CACNA1I: variants seen among roughly 807,000 people sequenced by gnomAD.
CACNA1I encodes the protein calcium voltage-gated channel subunit alpha1 I, also known as voltage-dependent T-type calcium channel subunit alpha-1I.
A neutral mutation model predicts 201.6 loss-of-function variants in CACNA1I; 74 were observed. The ratio of observed to expected loss-of-function variants is 0.37; its 90% CI spans 0.30 to 0.45. CACNA1I has a LOEUF of 0.45. CACNA1I is among the 20% of genes least tolerant of loss of function. The pLI is 1.00. For synonymous variants in CACNA1I, 1,431 were observed against 1,345.2 expected, an observed-to-expected ratio of 1.06 and a Z score of -1.40; for missense variants, 2,346 against 3,138.1, an observed-to-expected ratio of 0.75 and a Z score of 6.03.
At chr22:39,577,165 G>A (rs1000170524) in intron 1 of CACNA1I, among the ~76,000 whole-genome samples, 2 of 152,146 alleles carry the variant, frequency 1.3e-5, no homozygotes, top group Non-Finnish European at 2.9e-5. Context: ...CTCCTGAGTA[G>A]CTGGAATTAC....
At chr22:39,668,696 G>C (rs1046839602) in intron 24 of CACNA1I, among the ~76,000 whole-genome samples, 3 of 152,344 alleles carry the variant, frequency 2.0e-5, no homozygotes, top group Middle Eastern at 3.4e-3. Flanking sequence ...GAGAAGAGGG[G>C]CTGAGCCAGC....
chr22:39,662,367 G>C lies in CACNA1I; in HGVS notation c.3304G>C (p.Ala1102Pro), dbSNP rs57288507. The part of the protein sequence containing the change: ...EDCNGRMPSI[A>P]KDVFTKMGDR... ...CTGCAATGGCAGGATGCCCAGCATC[G>C]CCAAAGACGTCTTCACCAAGATGGG... The change falls in exon 17 of 37, where the codon GCC becomes CCC. Residue 1102 changes from alanine to proline, a missense_variant. Physicochemically the swap from Ala to Pro is conservative, Grantham distance 27. Transcript: ENST00000402142. The C allele has an allele frequency of 6.7e-7, 1 of 1,481,988 alleles. No individual in the cohort carries two copies. Among genetic ancestry groups the C allele is most frequent in the African/African-American group, 1.5e-5 (1 of 67,918 alleles). The allele number at this position is 1,481,988 out of a possible 1,614,324, so 91.8% of individuals were successfully genotyped here. A position where few individuals can be genotyped will look rare whatever the true frequency, so the allele number is the denominator to read the frequency against.
chr22:39,631,530 G>A (rs1934062861), intron 4 of CACNA1I, among the ~76,000 whole-genome samples: 3 of 152,364 alleles, frequency 2.0e-5, no homozygotes, highest in Admixed American at 1.3e-4. Context: ...CTAACTGGGG[G>A]TGAGAATCAG....
At chr22:39,587,224 G>A (rs1262015501) in intron 1 of CACNA1I, among the ~76,000 whole-genome samples, 2 of 152,160 alleles carry the variant, frequency 1.3e-5, no homozygotes, top group Non-Finnish European at 2.9e-5. Flanking sequence ...TATACAACGG[G>A]GATTCCAAGA....
At chr22:39,669,086 G>A (rs1170661364) in intron 24 of CACNA1I, among the ~76,000 whole-genome samples, 3 of 152,146 alleles carry the variant, frequency 2.0e-5, no homozygotes, top group South Asian at 4.1e-4. Context: ...TAGGCAAGAC[G>A]TGTGGCTGAC....
intron 7 of CACNA1I, among the ~76,000 whole-genome samples, chr22:39,645,882 A>G (rs713938): frequency 0.3 from 46,302 of 152,182 alleles, 7,355 homozygotes; most frequent in Middle Eastern, 0.41. Context: ...GCAAGCACAG[A>G]TAAAGCCACA....
chr22:39,676,819 G>A lies in CACNA1I; in HGVS notation c.4855-522G>A, dbSNP rs567809590. 4.3e-4 allele frequency among the ~76,000 whole-genome samples: 66 copies of A among 152,296 alleles called. No homozygotes were observed. Among genetic ancestry groups the A allele is most frequent in the African/African-American group, 1.6e-3 (65 of 41,564 alleles). On this transcript the variant is annotated intron_variant, in intron 29 of 36. Transcript: ENST00000402142. This position sits in a 1 kb window ranked among gnomAD's most constrained non-coding sequence, Gnocchi z 4.8. ...TTTCGGTGGTTTCGTAGAGGAGCTA[G>A]TGTTAGAGCTGAGACCTCCTGCCTT... is the stretch of plus-strand genomic sequence containing the variant.
intron 3 of CACNA1I, among the ~76,000 whole-genome samples, chr22:39,612,429 G>T (rs1569061517): frequency 6.6e-6 from 1 of 152,106 alleles, no homozygotes; most frequent in Non-Finnish European, 1.5e-5. Context: ...CATAAACCGG[G>T]TGCCTCATAA....
At chr22:39,681,545 GA>G (rs1422218655) in intron 34 of CACNA1I, among the ~76,000 whole-genome samples, 1 of 152,218 alleles carries the variant, frequency 6.6e-6, no homozygotes, top group Non-Finnish European at 1.5e-5. Flanking sequence ...ATGGTTCCAA[GA>G]AGTGGGGCGA....
At chr22:39,651,319 C>T (rs952855959) in intron 10 of CACNA1I, among the ~76,000 whole-genome samples, 4 of 152,362 alleles carry the variant, frequency 2.6e-5, no homozygotes, top group Non-Finnish European at 4.4e-5. Flanking sequence ...GGGCCGCACA[C>T]GCACCTCCCT....
chr22:39,670,767 C>T (rs1935349256), intron 25 of CACNA1I, 36 bp from the exon 26 acceptor site: 1 of 1,612,088 alleles, frequency 6.2e-7, no homozygotes, highest in African/African-American at 1.3e-5. Flanking sequence ...CCCCAACCCT[C>T]TGTGGTCTTT....
intron 1 of CACNA1I, among the ~76,000 whole-genome samples, chr22:39,589,741 G>A (rs1364847108): frequency 6.6e-6 from 1 of 152,136 alleles, no homozygotes; most frequent in East Asian, 1.9e-4. Context: ...CCTGAGGCCT[G>A]AGCTCCCCCT....
At chr22:39,683,201 T>A in intron 35 of CACNA1I, among the ~76,000 whole-genome samples, 1 of 152,154 alleles carries the variant, frequency 6.6e-6, no homozygotes, top group East Asian at 1.9e-4. Context: ...GCCAGGGGAC[T>A]AAGCTGGCCT....
At position 39,685,753 on chromosome 22, in the gene CACNA1I, C is replaced by A. The variant is rs1330750682; in HGVS notation, c.6028-8C>A. On this transcript the variant is annotated splice_region_variant and splice_polypyrimidine_tract_variant and intron_variant, in intron 36 of 36. Coordinates refer to ENST00000402142, the MANE Select transcript of CACNA1I (RefSeq NM_021096.4). The surrounding 1 kb of genome is among the most constrained non-coding windows in gnomAD (Gnocchi z 5.0). Reference sequence around the variant, plus strand: ...CAGGCGGCCTCCACGGCTCCCACCTCCCCCCAGGCCACCGGGAGCGACACG... The same window carrying A: ...CAGGCGGCCTCCACGGCTCCCACCTACCCCCAGGCCACCGGGAGCGACACG... The A allele has an allele frequency of 6.1e-6, 9 of 1,464,792 alleles. No homozygotes were observed. Among genetic ancestry groups the A allele is most frequent in the African/African-American group, 1.5e-5 (1 of 67,782 alleles). 90.7% of individuals were successfully genotyped at this position (1,464,792 alleles called of 1,614,324 possible). A position where few individuals can be genotyped will look rare whatever the true frequency, so the allele number is the denominator to read the frequency against.
chr22:39,630,278 C>T, intron 4 of CACNA1I, among the ~76,000 whole-genome samples: 1 of 152,254 alleles, frequency 6.6e-6, no homozygotes, highest in East Asian at 1.9e-4. Context: ...TAGCACTTTT[C>T]ACCCAACGAA....
At chr22:39,622,950 C>T (rs1933790874) in intron 4 of CACNA1I, among the ~76,000 whole-genome samples, 1 of 152,342 alleles carries the variant, frequency 6.6e-6, no homozygotes, top group Non-Finnish European at 1.5e-5. Flanking sequence ...CCACAGGCAC[C>T]GCCACCTTCC....
intron 1 of CACNA1I, among the ~76,000 whole-genome samples, chr22:39,583,612 A>G (rs1601793975): frequency 6.6e-6 from 1 of 151,848 alleles, no homozygotes; most frequent in Non-Finnish European, 1.5e-5. Context: ...ACTACCCAAA[A>G]CCCTATTTAC....
Position 39,664,071 on chromosome 22 carries a change from G to A in CACNA1I, c.3598-20G>A, listed in dbSNP as rs760742633. On this transcript the variant is annotated intron_variant, in intron 19 of 36. Coordinates refer to ENST00000402142, the MANE Select transcript of CACNA1I (RefSeq NM_021096.4). ...AGCTCTGGGAGCCCCTGAGCCTATG[G>A]TATCTCCCGATGCTTTCAGGAACGC... 6 of 1,611,970 alleles carry A rather than the reference G, an allele frequency of 3.7e-6. No individual in the cohort carries two copies. In the South Asian group the frequency reaches 5.5e-5, roughly 15 times the overall value.
At position 39,662,363 on chromosome 22, in the gene CACNA1I, C is replaced by A. The variant is rs1935051399; in HGVS notation, c.3300C>A (p.Ser1100Arg). Residue 1100 changes from serine (S) to arginine (R), a missense_variant, in exon 17 of 37, where the codon AGC becomes AGA. Coordinates refer to ENST00000402142, the MANE Select transcript of CACNA1I (RefSeq NM_021096.4). ...GHEDCNGRMP[S>R]IAKDVFTKMG... ...AGGACTGCAATGGCAGGATGCCCAG[C>A]ATCGCCAAAGACGTCTTCACCAAGA... 1.3e-6 allele frequency: 2 copies of A among 1,484,992 alleles called. No homozygotes were observed. The highest frequency in any genetic ancestry group is 1.8e-6 in the Non-Finnish European group (2 of 1,125,314). The allele number at this position is 1,484,992 out of a possible 1,614,324, so 92.0% of individuals were successfully genotyped here.
Sources: allele counts gnomAD v4.1 joint callset (sites outside exome capture counted in the v4.1 genomes callset), GRCh38; gene constraint gnomAD v4.1.1; non-coding constraint Gnocchi (gnomAD v3.1); transcripts MANE v1.5; gene names NCBI Gene and HGNC (gene_info 2026-07-23, HGNC 2026-07-21).